ITSN1: variants seen among roughly 807,000 people sequenced by gnomAD.
ITSN1 encodes the protein intersectin 1.
A neutral mutation model predicts 239.8 loss-of-function variants in ITSN1; 58 were observed. The ratio of observed to expected loss-of-function variants is 0.24; its 90% CI spans 0.20 to 0.30. The LOEUF (loss-of-function observed/expected upper bound fraction) is 0.30, where lower values mean the gene tolerates loss of function less well. Among genes scored for constraint, ITSN1 ranks in the 10% least tolerant of loss-of-function variants. The pLI, the probability that ITSN1 is intolerant of heterozygous loss-of-function variation, is 1.00. For missense variants in ITSN1, 1,558 were observed against 2,103.3 expected (o/e 0.74, Z 5.07); for synonymous variants, 780 against 770.8 (o/e 1.01, Z -0.20).
intron 36 of ITSN1, among the ~76,000 whole-genome samples, chr21:33,884,021 T>C (rs1018516771): frequency 1.8e-4 from 26 of 147,798 alleles, no homozygotes; most frequent in Non-Finnish European, 3.7e-4. Context: ...CACCCTAGCC[T>C]CCCAGGTATG....
At chr21:33,778,873 C>T (rs1033950955) in intron 14 of ITSN1, among the ~76,000 whole-genome samples, 13 of 141,324 alleles carry the variant, frequency 9.2e-5, no homozygotes, top group African/African-American at 2.9e-4. Flanking sequence ...CCACCGCGCC[C>T]GGCCTATAAT....
chr21:33,826,641 A>G (rs1041670266), intron 25 of ITSN1, among the ~76,000 whole-genome samples, 177 bp from the exon 26 acceptor site: 1 of 151,842 alleles, frequency 6.6e-6, no homozygotes, highest in Non-Finnish European at 1.5e-5. Flanking sequence ...TGTTTTAATT[A>G]TTTTTTTCCA....
chr21:33,845,967 G>A (rs1338794377), intron 29 of ITSN1, among the ~76,000 whole-genome samples: 1 of 152,178 alleles, frequency 6.6e-6, no homozygotes, highest in African/African-American at 2.4e-5. Context: ...GGGGGTGCAG[G>A]CAGGCAGTGT....
At chr21:33,678,969 G>A (rs1316904636) in intron 1 of ITSN1, among the ~76,000 whole-genome samples, 1 of 152,136 alleles carries the variant, frequency 6.6e-6, no homozygotes, top group East Asian at 1.9e-4. Flanking sequence ...TGTTGATATG[G>A]TTCTTGATTT....
intron 1 of ITSN1, among the ~76,000 whole-genome samples, chr21:33,662,338 T>A (rs2089622776): frequency 6.6e-6 from 1 of 152,336 alleles, no homozygotes; most frequent in African/African-American, 2.4e-5. Flanking sequence ...GACCTCTGAT[T>A]TAAAGTTCCG....
chr21:33,808,284 G>T (rs563736371), intron 20 of ITSN1, among the ~76,000 whole-genome samples: 1 of 149,624 alleles, frequency 6.7e-6, no homozygotes, highest in Non-Finnish European at 1.5e-5. Flanking sequence ...GCAGAAGAGA[G>T]AATTTAAAAA....
chr21:33,856,118 C>G (rs890409609), intron 29 of ITSN1, among the ~76,000 whole-genome samples: 1 of 152,254 alleles, frequency 6.6e-6, no homozygotes, highest in East Asian at 1.9e-4. Context: ...GGGGATAATT[C>G]TAGTATAATA....
chr21:33,647,470 G>GT (rs1290721321), intron 1 of ITSN1, among the ~76,000 whole-genome samples: 1 of 151,206 alleles, frequency 6.6e-6, no homozygotes, highest in Non-Finnish European at 1.5e-5. Context: ...ATAATATTCC[G>GT]TTTTATGGAT....
At chr21:33,654,421 C>T (rs751913767) in intron 1 of ITSN1, among the ~76,000 whole-genome samples, 1 of 151,988 alleles carries the variant, frequency 6.6e-6, no homozygotes, top group Non-Finnish European at 1.5e-5. Context: ...TAGCAAGAGT[C>T]TAGAATCAAC....
At chr21:33,886,861 G>T (rs913124804) in intron 39 of ITSN1, among the ~76,000 whole-genome samples, 2 of 152,180 alleles carry the variant, frequency 1.3e-5, no homozygotes, top group African/African-American at 4.8e-5. Flanking sequence ...AATGGGCCAG[G>T]TCCCTTTGGG....
chr21:33,645,985 A>G (rs2146049419), intron 1 of ITSN1, among the ~76,000 whole-genome samples: 1 of 152,366 alleles, frequency 6.6e-6, no homozygotes, highest in African/African-American at 2.4e-5. Flanking sequence ...CTCTACCTCC[A>G]GGGCCTAAAA....
At chr21:33,858,659 G>A in intron 30 of ITSN1, 27 bp from the exon 31 acceptor site, 1 of 1,450,566 alleles carries the variant, frequency 6.9e-7, no homozygotes, top group East Asian at 2.3e-5. Flanking sequence ...ACTGCTTTCT[G>A]AACTGCTTCG....
At chr21:33,782,195 G>T in intron 16 of ITSN1, 62 bp downstream of exon 16, 1 of 1,491,702 alleles carries the variant, frequency 6.7e-7, no homozygotes, top group South Asian at 1.2e-5. Context: ...CTGTCCAAAT[G>T]ATTAGTTGCT....
At chr21:33,710,209 G>T (rs549865661) in intron 1 of ITSN1, among the ~76,000 whole-genome samples, 1 of 151,644 alleles carries the variant, frequency 6.6e-6, no homozygotes, top group African/African-American at 2.4e-5. Context: ...TTCCCGAGTA[G>T]CTGGGACTGC....
chr21:33,680,203 C>G (rs549239469), intron 1 of ITSN1, among the ~76,000 whole-genome samples: 2 of 152,166 alleles, frequency 1.3e-5, no homozygotes, highest in Non-Finnish European at 2.9e-5. Context: ...TTTTATTCCT[C>G]TGGATGTTTG....
At position 33,897,443 on chromosome 21, in the gene ITSN1, A is replaced by T. The variant is rs1448352377; in HGVS notation, c.*9143A>T. On this transcript the variant is annotated 3_prime_UTR_variant, in exon 40 of 40. Transcript: ENST00000381318. ...GTGTACAGATGAGAAACTGCAACAAAAATGTCCTGTGGATGATAATCAGCT... is the reference window on the plus strand; with the variant it reads ...GTGTACAGATGAGAAACTGCAACAATAATGTCCTGTGGATGATAATCAGCT... 6.6e-6 allele frequency: 1 copy of T among 152,226 alleles called. No homozygotes were observed. 9.4% of individuals were successfully genotyped at this position (152,226 alleles called of 1,614,324 possible).
chr21:33,758,219 G>A lies in ITSN1; in HGVS notation c.724+2822G>A, dbSNP rs556035625. ...GTTCACTGCTGCCTGGATTTCCCAG[G>A]CTCGGGGGATCCTCCCACCTCAGCC... On this transcript the variant is annotated intron_variant, in intron 8 of 39. Coordinates refer to ENST00000381318, the MANE Select transcript of ITSN1 (RefSeq NM_003024.3). Among the ~76,000 whole-genome samples the A allele has an allele frequency of 2.0e-5, 3 of 152,188 alleles. No individual in the cohort carries two copies. The South Asian group carries it at 6.2e-4, about 32-fold the overall frequency.
At chr21:33,876,595 C>T (rs1378264470) in intron 34 of ITSN1, among the ~76,000 whole-genome samples, 2 of 152,146 alleles carry the variant, frequency 1.3e-5, no homozygotes, top group Non-Finnish European at 2.9e-5. Context: ...TATTTCTTAA[C>T]ACATTTTAAA....
intron 1 of ITSN1, among the ~76,000 whole-genome samples, chr21:33,671,545 C>T (rs1049177144): frequency 1.3e-5 from 2 of 152,142 alleles, no homozygotes; most frequent in Non-Finnish European, 2.9e-5. Flanking sequence ...GTGTGAGCCG[C>T]TGTGCCCGGC....
Sources: allele counts gnomAD v4.1 joint callset (sites outside exome capture counted in the v4.1 genomes callset), GRCh38; gene constraint gnomAD v4.1.1; transcripts MANE v1.5; gene names NCBI Gene and HGNC (gene_info 2026-07-23, HGNC 2026-07-21).